The following PARP11 variants were observed in gnomAD, a reference collection of about 807,000 sequenced individuals.
PARP11 encodes protein mono-ADP-ribosyltransferase PARP11.
A neutral mutation model predicts 42.9 loss-of-function variants in PARP11; 31 were observed. That is an observed-to-expected ratio of 0.72 (90% CI 0.54 to 0.98). PARP11 has a LOEUF of 0.98. PARP11 is among the 50% of genes least tolerant of loss of function. The pLI is 0.00. For missense variants in PARP11, 365 were observed against 413.1 expected (o/e 0.88, Z 1.01); for synonymous variants, 137 against 127.3 (o/e 1.08, Z -0.51).
At chr12:3,842,600 AC>A in intron 1 of PARP11, 2 of 928,740 alleles carry the variant, frequency 2.2e-6, no homozygotes, top group Non-Finnish European at 1.7e-6. Flanking sequence ...TAAAGTAAAA[AC>A]CCCAGTTGGA....
intron 1 of PARP11, among the ~76,000 whole-genome samples, chr12:3,850,225 T>C (rs1372119347): frequency 6.6e-6 from 1 of 152,108 alleles, no homozygotes; most frequent in Non-Finnish European, 1.5e-5. Flanking sequence ...AAAAGACATA[T>C]AATTATGTAA....
chr12:3,828,215 C>T (rs1274839607), intron 3 of PARP11, among the ~76,000 whole-genome samples: 2 of 152,172 alleles, frequency 1.3e-5, no homozygotes, highest in Non-Finnish European at 2.9e-5. Context: ...TTGCCAGCTA[C>T]CTATGACTTT....
chr12:3,835,092 TC>T (rs1947729708), intron 1 of PARP11, among the ~76,000 whole-genome samples: 1 of 151,980 alleles, frequency 6.6e-6, no homozygotes, highest in Non-Finnish European at 1.5e-5. Context: ...GGAACTAACT[TC>T]CAAGCTTCTA....
At chr12:3,845,281 T>C (rs949059664) in intron 1 of PARP11, among the ~76,000 whole-genome samples, 2 of 152,216 alleles carry the variant, frequency 1.3e-5, no homozygotes, top group African/African-American at 4.8e-5. Flanking sequence ...CAAATTCATT[T>C]TCATGGCAGA....
intron 6 of PARP11, among the ~76,000 whole-genome samples, chr12:3,819,681 GA>G (rs1947355873): frequency 6.6e-6 from 1 of 152,104 alleles, no homozygotes; most frequent in Non-Finnish European, 1.5e-5. Context: ...ACTGTCCCAG[GA>G]AAAAATCCAA....
chr12:3,815,441 A>C (rs1005481796), intron 6 of PARP11, among the ~76,000 whole-genome samples: 1 of 152,192 alleles, frequency 6.6e-6, no homozygotes, highest in Non-Finnish European at 1.5e-5. Flanking sequence ...AACATTGCAA[A>C]TTTGAACACC....
At position 3,840,996 on chromosome 12, in the gene PARP11, T is replaced by G. The variant is rs527868545; in HGVS notation, c.19-10978A>C. On this transcript the variant is annotated intron_variant, in intron 1 of 7. Coordinates refer to ENST00000228820, the MANE Select transcript of PARP11 (RefSeq NM_020367.6). This position sits in a 1 kb window ranked among gnomAD's most constrained non-coding sequence, Gnocchi z 4.4. ...AACCTACAACTTTTGGACCAACAGGTGTCCCTGCTCCAATTCCTGGTCGGT... is the reference window on the plus strand; with the variant it reads ...AACCTACAACTTTTGGACCAACAGGGGTCCCTGCTCCAATTCCTGGTCGGT... 3.8e-5 allele frequency: 61 copies of G among 1,603,026 alleles called. No individual in the cohort carries two copies. The highest frequency in any genetic ancestry group is 8.5e-7 in the Non-Finnish European group (1 of 1,170,120).
At chr12:3,838,986 C>A (rs1204852265) in intron 1 of PARP11, among the ~76,000 whole-genome samples, 2 of 152,158 alleles carry the variant, frequency 1.3e-5, no homozygotes, top group Non-Finnish European at 2.9e-5. Flanking sequence ...CTGAGTCGGG[C>A]AGCGAGGCCG....
At chr12:3,871,401 T>C (rs1469567144) in intron 1 of PARP11, among the ~76,000 whole-genome samples, 2 of 152,212 alleles carry the variant, frequency 1.3e-5, no homozygotes, top group African/African-American at 2.4e-5. Context: ...TTTAGATACA[T>C]AAATACTTTC....
In PARP11 at chr12:3,810,426, C is replaced by A. The variant is rs1044961955; in HGVS notation, c.*1697G>T. ...CCAACATGACAAAACCCCGCCTCTACTAAAAATACAAAAATTAGCCGGGCA... is the reference window on the plus strand; with the variant it reads ...CCAACATGACAAAACCCCGCCTCTAATAAAAATACAAAAATTAGCCGGGCA... On this transcript the variant is annotated 3_prime_UTR_variant, in exon 8 of 8. Coordinates refer to ENST00000228820, the MANE Select transcript of PARP11 (RefSeq NM_020367.6). 3.9e-5 allele frequency: 6 copies of A among 152,026 alleles called. No homozygotes were observed. Among genetic ancestry groups the A allele is most frequent in the Non-Finnish European group, 8.8e-5 (6 of 68,058 alleles). 9.4% of individuals were successfully genotyped at this position (152,026 alleles called of 1,614,324 possible).
In PARP11 at chr12:3,840,783, T is replaced by C. The variant is rs1947869952; in HGVS notation, c.19-10765A>G. 3 of 1,566,532 alleles carry C rather than the reference T, an allele frequency of 1.9e-6. No homozygotes were observed. The highest frequency in any genetic ancestry group is 2.7e-5 in the African/African-American group (2 of 74,094). ...AACCAAGCATATTGGAGAATATTACTGATGATAAATATGCAACAGTTTCAT... is the reference window on the plus strand; with the variant it reads ...AACCAAGCATATTGGAGAATATTACCGATGATAAATATGCAACAGTTTCAT... On this transcript the variant is annotated intron_variant, in intron 1 of 7. Transcript: ENST00000228820. The surrounding 1 kb of genome is among the most constrained non-coding windows in gnomAD (Gnocchi z 4.4).
chr12:3,844,463 G>A (rs1947959131), intron 1 of PARP11, among the ~76,000 whole-genome samples: 1 of 152,182 alleles, frequency 6.6e-6, no homozygotes. Context: ...TGATTTTAAT[G>A]AAAATCACAT....
chr12:3,843,847 A>C (rs1947942585), intron 1 of PARP11, among the ~76,000 whole-genome samples: 1 of 152,160 alleles, frequency 6.6e-6, no homozygotes, highest in South Asian at 2.1e-4. Flanking sequence ...TATTATGTTG[A>C]GATTATCTTC....
intron 1 of PARP11, among the ~76,000 whole-genome samples, chr12:3,848,926 A>G (rs1218208783): frequency 6.6e-6 from 1 of 151,922 alleles, no homozygotes; most frequent in Non-Finnish European, 1.5e-5. Context: ...TCATAATAAT[A>G]ATATATAAGG....
At chr12:3,865,646 TAAC>T (rs1456013778) in intron 1 of PARP11, among the ~76,000 whole-genome samples, 1 of 152,144 alleles carries the variant, frequency 6.6e-6, no homozygotes, top group Non-Finnish European at 1.5e-5. Context: ...AAATCTACCT[TAAC>T]AACAATAAAC....
intron 1 of PARP11, among the ~76,000 whole-genome samples, chr12:3,869,067 T>C (rs1371506644): frequency 1.3e-5 from 2 of 152,180 alleles, no homozygotes; most frequent in African/African-American, 4.8e-5. Context: ...AAGTCAGCCA[T>C]GTTGTATCTC....
At chr12:3,813,249 C>G (rs1159256865) in intron 7 of PARP11, among the ~76,000 whole-genome samples, 1 of 152,156 alleles carries the variant, frequency 6.6e-6, no homozygotes, top group Non-Finnish European at 1.5e-5. Context: ...CCCCAAGAAA[C>G]CGTATTTCTA....
chr12:3,872,373 T>C (rs1002330449), intron 1 of PARP11: 21 of 227,326 alleles, frequency 9.2e-5, no homozygotes, highest in African/African-American at 4.7e-4. Context: ...TATCTTCTGT[T>C]TTAAGGAGTG....
intron 1 of PARP11, among the ~76,000 whole-genome samples, chr12:3,839,268 G>A (rs1226634966): frequency 2.6e-5 from 4 of 151,362 alleles, no homozygotes; most frequent in African/African-American, 9.7e-5. Context: ...TGTGGGGCTA[G>A]CCCTCGCGCC....
Sources: allele counts gnomAD v4.1 joint callset (sites outside exome capture counted in the v4.1 genomes callset), GRCh38; gene constraint gnomAD v4.1.1; non-coding constraint Gnocchi (gnomAD v3.1); transcripts MANE v1.5; gene names NCBI Gene and HGNC (gene_info 2026-07-23, HGNC 2026-07-21).